Variants in DIAPH3 observed in about 807,000 individuals in gnomAD.
The protein encoded by DIAPH3 is protein diaphanous homolog 3.
DIAPH3 carries 117 observed loss-of-function variants against 144.3 expected under a neutral mutation model. The observed-to-expected ratio is 0.81, with a 90% confidence interval of 0.70 to 0.95. The LOEUF (loss-of-function observed/expected upper bound fraction) is 0.95. Among genes scored for constraint, DIAPH3 ranks in the 40% least tolerant of loss-of-function variants. DIAPH3 has a pLI of 0.00. For missense variants in DIAPH3, 1,421 were observed against 1,412.7 expected, an observed-to-expected ratio of 1.01 and a Z score of -0.09; for synonymous variants, 519 against 488.9, an observed-to-expected ratio of 1.06 and a Z score of -0.81.
intron 1 of DIAPH3, among the ~76,000 whole-genome samples, chr13:60,134,606 G>C (rs74760995): frequency 6.6e-6 from 1 of 152,030 alleles, no homozygotes; most frequent in Admixed American, 6.5e-5. Context: ...ATTGCATTTG[G>C]TTAACCACAT....
intron 4 of DIAPH3, among the ~76,000 whole-genome samples, chr13:60,081,680 C>T (rs929754903): frequency 6.6e-6 from 1 of 152,026 alleles, no homozygotes; most frequent in African/African-American, 2.4e-5. Flanking sequence ...AAACCACCAA[C>T]AGCCACAAAT....
At chr13:59,676,132 T>C (rs1257585064) in intron 27 of DIAPH3, among the ~76,000 whole-genome samples, 2 of 152,218 alleles carry the variant, frequency 1.3e-5, no homozygotes, top group Non-Finnish European at 2.9e-5. Flanking sequence ...CACAGAATCA[T>C]GTAATGTAGA....
At chr13:60,151,737 A>G (rs1594789542) in intron 1 of DIAPH3, among the ~76,000 whole-genome samples, 1 of 152,374 alleles carries the variant, frequency 6.6e-6, no homozygotes, top group South Asian at 2.1e-4. Context: ...TCAATATAAC[A>G]TAACAATAAG....
intron 1 of DIAPH3, among the ~76,000 whole-genome samples, chr13:60,142,984 C>G (rs967227133): frequency 6.6e-6 from 1 of 151,838 alleles, no homozygotes; most frequent in Non-Finnish European, 1.5e-5. Context: ...AACTCCTAGC[C>G]TCAAGTGATC....
At chr13:59,693,006 A>G (rs1468800058) in intron 27 of DIAPH3, among the ~76,000 whole-genome samples, 1 of 152,244 alleles carries the variant, frequency 6.6e-6, no homozygotes, top group Non-Finnish European at 1.5e-5. Context: ...TAAAGGGTAC[A>G]ATTATGAATG....
chr13:59,774,778 T>TAA lies in DIAPH3; in HGVS notation c.3208_3209insTT (p.Gln1070LeufsTer33). 6.2e-7 allele frequency: 1 copy of TAA among 1,614,204 alleles called. No individual in the cohort carries two copies. The highest frequency in any genetic ancestry group is 8.5e-7 in the Non-Finnish European group (1 of 1,180,038). Reference sequence around the variant, plus strand: ...TCTGTCGCGGAAGGCAGCCCCGGACTGCAAGGCCTCCAGCAGATTATCCAT... The same window carrying TAA: ...TCTGTCGCGGAAGGCAGCCCCGGACTAAGCAAGGCCTCCAGCAGATTATCCAT... On this transcript the variant is annotated frameshift_variant, in exon 26 of 28. Transcript: ENST00000400324. LOFTEE classifies it high-confidence loss of function.
At chr13:59,940,768 T>C (rs1045664676) in intron 17 of DIAPH3, among the ~76,000 whole-genome samples, 2 of 152,138 alleles carry the variant, frequency 1.3e-5, no homozygotes, top group Non-Finnish European at 2.9e-5. Context: ...GCTAAGGGCC[T>C]GGCAAATGAA....
chr13:59,856,509 A>G (rs2043261847), intron 22 of DIAPH3, among the ~76,000 whole-genome samples: 1 of 152,182 alleles, frequency 6.6e-6, no homozygotes, highest in African/African-American at 2.4e-5. Context: ...TGGCTTGCAG[A>G]TGGCCACCTC....
chr13:59,848,651 A>C (rs1404912984), intron 22 of DIAPH3, among the ~76,000 whole-genome samples: 1 of 121,670 alleles, frequency 8.2e-6, no homozygotes, highest in East Asian at 2.4e-4. Context: ...TGAACTCATC[A>C]TTTTTTATGG....
intron 4 of DIAPH3, among the ~76,000 whole-genome samples, chr13:60,075,889 T>C (rs1276870282): frequency 6.6e-6 from 1 of 152,214 alleles, no homozygotes; most frequent in Non-Finnish European, 1.5e-5. Context: ...GACCGTATCT[T>C]CCATGGAATG....
At position 60,042,747 on chromosome 13, in the gene DIAPH3, T is replaced by A. The variant is rs376891394; in HGVS notation, c.569A>T (p.Glu190Val). 6.2e-7 allele frequency: 1 copy of A among 1,613,632 alleles called. No individual in the cohort carries two copies. The highest frequency in any genetic ancestry group is 8.5e-7 in the Non-Finnish European group (1 of 1,179,814). ...AGACTCCAGGCATGTGACAAGTCTC[T>A]CATCTGCAGACCCCATTTTCAGCTC... ...IHELKMGSADERLVTCLESLR... is the reference protein window; with the variant it reads ...IHELKMGSADVRLVTCLESLR... Residue 190 changes from glutamate to valine, a missense_variant, in exon 5 of 28, where the codon GAG becomes GTG. Glu to Val is a moderately radical substitution (Grantham distance 121). Transcript: ENST00000400324.
chr13:59,709,078 T>C (rs1479674316), intron 27 of DIAPH3, among the ~76,000 whole-genome samples: 1 of 152,146 alleles, frequency 6.6e-6, no homozygotes, highest in African/African-American at 2.4e-5. Context: ...TCTATGCCCA[T>C]TTGGAACAAA....
chr13:59,921,889 G>T (rs1016271607), intron 18 of DIAPH3, among the ~76,000 whole-genome samples: 1 of 151,934 alleles, frequency 6.6e-6, no homozygotes, highest in Admixed American at 6.6e-5. Context: ...AGAGATGCAA[G>T]GATGGTTCAA....
At chr13:59,810,165 T>A (rs2040397772) in intron 25 of DIAPH3, among the ~76,000 whole-genome samples, 1 of 152,192 alleles carries the variant, frequency 6.6e-6, no homozygotes, top group Non-Finnish European at 1.5e-5. Context: ...TTTTTTCTTT[T>A]TGTTGTTTTT....
intron 18 of DIAPH3, among the ~76,000 whole-genome samples, chr13:59,921,709 GAGAATAC>G (rs1180926969): frequency 6.6e-6 from 1 of 151,894 alleles, no homozygotes; most frequent in Non-Finnish European, 1.5e-5. Flanking sequence ...TCAAAGAGTA[GAGAATAC>G]TGCCAAACTC....
At chr13:59,700,720 T>G (rs1169401880) in intron 27 of DIAPH3, among the ~76,000 whole-genome samples, 3 of 152,138 alleles carry the variant, frequency 2.0e-5, no homozygotes, top group Non-Finnish European at 2.9e-5. Context: ...GGGAAAGAAA[T>G]AAACCTTTAT....
At chr13:60,088,631 G>A (rs1247751812) in intron 4 of DIAPH3, among the ~76,000 whole-genome samples, 1 of 152,074 alleles carries the variant, frequency 6.6e-6, no homozygotes. Flanking sequence ...TTTTTGAGGG[G>A]CGGGGAGGGG....
intron 16 of DIAPH3, 27 bp downstream of exon 16, chr13:59,970,825 G>A: frequency 6.3e-7 from 1 of 1,595,078 alleles, no homozygotes; most frequent in Non-Finnish European, 8.6e-7. Flanking sequence ...CTAAGTAAAA[G>A]TATTTTCCTC....
intron 4 of DIAPH3, 107 bp from the exon 5 acceptor site, chr13:60,042,927 C>A: frequency 2.4e-6 from 3 of 1,253,282 alleles, no homozygotes; most frequent in Non-Finnish European, 3.4e-6. Context: ...CTATAATTAA[C>A]ACTATTTGGG....
Sources: allele counts gnomAD v4.1 joint callset (sites outside exome capture counted in the v4.1 genomes callset), GRCh38; gene constraint gnomAD v4.1.1; transcripts MANE v1.5; gene names NCBI Gene and HGNC (gene_info 2026-07-23, HGNC 2026-07-21).